The following TBP variants were observed in gnomAD, a reference collection of about 807,000 sequenced individuals.
TBP encodes the protein TATA-box binding protein, also known as TATA-box-binding protein.
In TBP, 12 loss-of-function variants were observed where a neutral mutation model predicts 46.2. That is an observed-to-expected ratio of 0.26 (90% CI 0.17 to 0.42). The LOEUF (loss-of-function observed/expected upper bound fraction) is 0.42, where lower values mean the gene tolerates loss of function less well. TBP is among the 10% of genes least tolerant of loss of function. TBP has a pLI of 1.00. For missense variants in TBP, 229 were observed against 403.1 expected (o/e 0.57, Z 3.70); for synonymous variants, 157 against 148.3 (o/e 1.06, Z -0.42).
In TBP at chr6:170,572,517, C is replaced by A; in HGVS notation, c.*252C>A. 2.2e-6 allele frequency: 1 copy of A among 455,336 alleles called. No individual in the cohort carries two copies. 28.2% of individuals were successfully genotyped at this position (455,336 alleles called of 1,614,324 possible). On this transcript the variant is annotated 3_prime_UTR_variant, in exon 8 of 8. Transcript: ENST00000392092. Reference sequence around the variant, plus strand: ...CGTGCTGCTATCTGGGCAGCGCTGCCCATTTATTTATATGTAGATTTTAAA... The same window carrying A: ...CGTGCTGCTATCTGGGCAGCGCTGCACATTTATTTATATGTAGATTTTAAA...
At position 170,572,465 on chromosome 6, in the gene TBP, C is replaced by T. The variant is rs574029608; in HGVS notation, c.*200C>T. 4.0e-5 allele frequency: 24 copies of T among 594,108 alleles called. No homozygotes were observed. The highest frequency in any genetic ancestry group is 3.5e-4 in the African/African-American group (19 of 53,778). 36.8% of individuals were successfully genotyped at this position (594,108 alleles called of 1,614,324 possible). On this transcript the variant is annotated 3_prime_UTR_variant, in exon 8 of 8. Coordinates refer to ENST00000392092, the MANE Select transcript of TBP (RefSeq NM_003194.5). ...CATTATTTGTGCACTGAGAACACCGCGCAGCGTGACTGTGAGTTGCTCATA... is the reference window on the plus strand; with the variant it reads ...CATTATTTGTGCACTGAGAACACCGTGCAGCGTGACTGTGAGTTGCTCATA...
At chr6:170,557,675 G>T (rs778131540) in intron 2 of TBP, among the ~76,000 whole-genome samples, 1 of 137,668 alleles carries the variant, frequency 7.3e-6, no homozygotes, top group Non-Finnish European at 1.5e-5. Flanking sequence ...GGTGGAGGTT[G>T]CAGTGAGCAG....
rs117721558 is a variant in TBP, at chr6:170,561,718, T to C, written c.55-73T>C. On this transcript the variant is annotated intron_variant, in intron 2 of 7. Coordinates refer to ENST00000392092, the MANE Select transcript of TBP (RefSeq NM_003194.5). ...ATCTGTCTTTGCACACCTGACCTGC[T>C]GTTCCACCAAGAAAGTTCCACAAAC... 59 of 1,559,324 alleles carry C rather than the reference T, an allele frequency of 3.8e-5. No individual in the cohort carries two copies. The East Asian group carries it at 1.2e-3, about 32-fold the overall frequency.
chr6:170,568,494 G>A (rs574677234), intron 5 of TBP, among the ~76,000 whole-genome samples: 9 of 152,042 alleles, frequency 5.9e-5, no homozygotes, highest in East Asian at 1.9e-4. Flanking sequence ...CTCGCTCTGC[G>A]CCCAGGCTGG....
chr6:170,571,348 T>C, intron 6 of TBP, 62 bp from the exon 7 acceptor site: 2 of 1,201,050 alleles, frequency 1.7e-6, no homozygotes, highest in South Asian at 1.3e-5. Flanking sequence ...GTACAGGTCC[T>C]CATTTTATCT....
At chr6:170,556,428 G>A (rs1295072658) in intron 1 of TBP, among the ~76,000 whole-genome samples, 1 of 151,582 alleles carries the variant, frequency 6.6e-6, no homozygotes, top group Non-Finnish European at 1.5e-5. Flanking sequence ...GAAGTATATT[G>A]GATTGAATTT....
At chr6:170,567,482 C>T (rs532109426) in intron 5 of TBP, 1 of 152,008 alleles carries the variant, frequency 6.6e-6, no homozygotes, top group Non-Finnish European at 1.5e-5. Flanking sequence ...AAGACACTTT[C>T]TCCAGAAAAA....
At chr6:170,563,793 G>T (rs1229699773) in intron 3 of TBP, among the ~76,000 whole-genome samples, 1 of 152,196 alleles carries the variant, frequency 6.6e-6, no homozygotes, top group East Asian at 1.9e-4. Context: ...AAAGGGCATT[G>T]CCCATTTCAA....
rs777248773 is a variant in TBP at position 170,569,645 on chromosome 6, T to C, written c.711T>C (p.Tyr237=). 2 of 1,614,138 alleles carry C rather than the reference T, an allele frequency of 1.2e-6. No individual in the cohort carries two copies. Among genetic ancestry groups the C allele is most frequent in the Non-Finnish European group, 1.7e-6 (2 of 1,180,006 alleles). Residue 237 remains tyrosine (Y), a synonymous_variant, in exon 6 of 8, where the codon TAT becomes TAC. Coordinates refer to ENST00000392092, the MANE Select transcript of TBP (RefSeq NM_003194.5). Reference sequence around the variant, plus strand: ...AGTCCAGACTGGCAGCAAGAAAATATGCTAGAGTTGTACAGAAGTTGGGTT... The same window carrying C: ...AGTCCAGACTGGCAGCAAGAAAATACGCTAGAGTTGTACAGAAGTTGGGTT... ...EEQSRLAARK[Y]ARVVQKLGFP... is the part of the protein sequence containing the mutation.
At chr6:170,559,492 C>T (rs1337452018) in intron 2 of TBP, among the ~76,000 whole-genome samples, 2 of 152,140 alleles carry the variant, frequency 1.3e-5, no homozygotes, top group South Asian at 2.1e-4. Flanking sequence ...ATCATACCAC[C>T]CACACATCCC....
At chr6:170,568,777 A>AT (rs1779314524) in intron 5 of TBP, among the ~76,000 whole-genome samples, 2 of 40,732 alleles carry the variant, frequency 4.9e-5, no homozygotes, top group East Asian at 6.6e-4. Flanking sequence ...TTTCTCTTTT[A>AT]TTTTTTCTTT....
intron 2 of TBP, among the ~76,000 whole-genome samples, chr6:170,558,866 G>T (rs1779086074): frequency 6.6e-6 from 1 of 151,942 alleles, no homozygotes; most frequent in East Asian, 1.9e-4. Context: ...GCTAAATTTT[G>T]TATTTTTAGT....
chr6:170,557,710 T>C lies in TBP; in HGVS notation c.54+627T>C, dbSNP rs369883539. ...GAGGTCGTGCCACTGCACTCCAGCC[T>C]GGGAGACAGAGCGAGACTCTGTCTC... On this transcript the variant is annotated intron_variant, in intron 2 of 7. Coordinates refer to ENST00000392092, the MANE Select transcript of TBP (RefSeq NM_003194.5). 9.8e-5 allele frequency among the ~76,000 whole-genome samples: 11 copies of C among 112,038 alleles called. No individual in the cohort carries two copies. In the East Asian group the frequency reaches 1.9e-3, roughly 19 times the overall value. 73.5% of individuals were successfully genotyped at this position (112,038 alleles called of 152,430 possible).
chr6:170,569,459 G>C (rs1298065128), intron 5 of TBP, among the ~76,000 whole-genome samples, 153 bp from the exon 6 acceptor site: 2 of 152,226 alleles, frequency 1.3e-5, no homozygotes, highest in Admixed American at 6.5e-5. Context: ...ATAAGGAATT[G>C]TGAATGCCTG....
chr6:170,558,448 C>T (rs979432039), intron 2 of TBP, among the ~76,000 whole-genome samples: 8 of 152,172 alleles, frequency 5.3e-5, no homozygotes, highest in African/African-American at 1.9e-4. Context: ...TTTCTGAGCA[C>T]CTTGGCAAGT....
At chr6:170,564,490 C>T (rs868307060) in intron 3 of TBP, 55 bp from the exon 4 acceptor site, 1 of 1,279,926 alleles carries the variant, frequency 7.8e-7, no homozygotes, top group African/African-American at 1.5e-5. Context: ...AACGCCTCAT[C>T]CAATGAAACT....
intron 3 of TBP, 128 bp downstream of exon 3, chr6:170,562,361 T>C: frequency 9.0e-7 from 1 of 1,105,626 alleles, no homozygotes; most frequent in Non-Finnish European, 1.3e-6. Context: ...GTATCAAAAT[T>C]TGCTTTATCT....
Position 170,564,605 on chromosome 6 carries a change from TGCCCGAAAC to T in TBP, c.562_570del (p.Arg188_Ala190del), listed in dbSNP as rs749422951. 1 of 1,611,018 alleles carries T rather than the reference TGCCCGAAAC, an allele frequency of 6.2e-7. No individual in the cohort carries two copies. The highest frequency in any genetic ancestry group is 8.5e-7 in the Non-Finnish European group (1 of 1,178,326). On this transcript the variant is annotated inframe_deletion, in exon 4 of 8. Coordinates refer to ENST00000392092, the MANE Select transcript of TBP (RefSeq NM_003194.5). The stretch of plus-strand genomic sequence containing the variant: ...TTGACCTAAAGACCATTGCACTTCG[TGCCCGAAAC>T]GCCGAATATAATCCCAAGGTTAGAT...
chr6:170,569,461 G>C (rs1308121373), intron 5 of TBP, 151 bp from the exon 6 acceptor site: 1 of 575,042 alleles, frequency 1.7e-6, no homozygotes, highest in Non-Finnish European at 2.9e-6. Context: ...AAGGAATTGT[G>C]AATGCCTGTC....
Sources: allele counts gnomAD v4.1 joint callset (sites outside exome capture counted in the v4.1 genomes callset), GRCh38; gene constraint gnomAD v4.1.1; transcripts MANE v1.5; gene names NCBI Gene and HGNC (gene_info 2026-07-23, HGNC 2026-07-21).